Variants in SCP2 observed in about 807,000 individuals in gnomAD.
SCP2 encodes the protein SCP-2/3-oxoacyl-CoA thiolase.
In SCP2, 48 loss-of-function variants were observed where a neutral mutation model predicts 71.4. That is an observed-to-expected ratio of 0.67 (90% CI 0.53 to 0.86). The LOEUF is 0.86. Ranked by LOEUF, SCP2 falls within the 40% of genes least tolerant of loss-of-function variation. The probability of loss-of-function intolerance (pLI) is 0.00; values close to 1 mark genes in which losing one functional copy is unlikely to be tolerated. For synonymous variants in SCP2, 220 were observed against 218.1 expected (o/e 1.01, Z -0.08); for missense variants, 560 against 655.6 (o/e 0.85, Z 1.59).
At position 53,027,989 on chromosome 1, in the gene SCP2, T is replaced by C. The variant is rs764162206; in HGVS notation, c.1256T>C (p.Ile419Thr). ...CCCAGTTCTTTTAGAACTCATCAAA[T>C]TGAAGCTGTTCCAACCAGCTCTGCA... The part of the protein sequence containing the change: ...EAASSFRTHQ[I>T]EAVPTSSASD... Residue 419 changes from isoleucine to threonine, a missense_variant, in exon 13 of 16, where the codon ATT (isoleucine) becomes ACT (threonine). Physicochemically the swap from Ile to Thr is moderately conservative, Grantham distance 89. Around this residue, in one of 3 missense-constraint regions of SCP2, gnomAD observed 513 missense variants for 573.1 expected, o/e 0.90. Coordinates refer to ENST00000371514, the MANE Select transcript of SCP2 (RefSeq NM_002979.5). The C allele has an allele frequency of 1.9e-6, 3 of 1,606,786 alleles. No homozygotes were observed. Among genetic ancestry groups the C allele is most frequent in the Middle Eastern group, 1.7e-4 (1 of 6,044 alleles).
At position 53,051,042 on chromosome 1, in the gene SCP2, A is replaced by G. The variant is rs150876601; in HGVS notation, c.*338A>G. ...AGCTTTTGTTTTGCTTACAAAGTATATTTAAGGATTATTCTGCTGAAGATT... is the reference window on the plus strand; with the variant it reads ...AGCTTTTGTTTTGCTTACAAAGTATGTTTAAGGATTATTCTGCTGAAGATT... On this transcript the variant is annotated 3_prime_UTR_variant, in exon 16 of 16. Transcript: ENST00000371514. 58 of 194,488 alleles carry G rather than the reference A, an allele frequency of 3.0e-4. No individual in the cohort carries two copies. The East Asian group carries it at 7.6e-3, about 25-fold the overall frequency. The allele number at this position is 194,488 out of a possible 1,614,324, so 12.0% of individuals were successfully genotyped here.
chr1:53,023,624 T>G (rs7549603), intron 12 of SCP2, among the ~76,000 whole-genome samples: 20,869 of 152,066 alleles, frequency 0.14, 2,045 homozygotes, highest in East Asian at 0.33. Context: ...CACAGAAAAG[T>G]AGTTTCCTGA....
chr1:52,945,548 C>T (rs146986399), intron 2 of SCP2, among the ~76,000 whole-genome samples: 4 of 151,894 alleles, frequency 2.6e-5, no homozygotes, highest in African/African-American at 9.7e-5. Context: ...ACTAAAAATA[C>T]AAAAAGTTAG....
At chr1:52,999,815 G>GTTCTTTTTTTT (rs1660184505) in intron 11 of SCP2, among the ~76,000 whole-genome samples, 1 of 109,420 alleles carries the variant, frequency 9.1e-6, no homozygotes, top group Non-Finnish European at 1.8e-5. Context: ...CTGAACACTT[G>GTTCTTTTTTTT]TTTTTTTTTT....
At chr1:52,944,527 A>G (rs1654586398) in intron 2 of SCP2, among the ~76,000 whole-genome samples, 1 of 152,094 alleles carries the variant, frequency 6.6e-6, no homozygotes, top group Admixed American at 6.5e-5. Flanking sequence ...TCTCCTCTCA[A>G]TTGATGCCTC....
intron 5 of SCP2, among the ~76,000 whole-genome samples, chr1:52,957,219 G>C (rs896759670): frequency 1.3e-4 from 14 of 107,096 alleles, no homozygotes; most frequent in African/African-American, 3.9e-4. Flanking sequence ...CTGGCCCCTG[G>C]CCCCTGGCCC....
chr1:53,011,297 A>C (rs887427544), intron 11 of SCP2, among the ~76,000 whole-genome samples: 1 of 152,206 alleles, frequency 6.6e-6, no homozygotes, highest in African/African-American at 2.4e-5. Flanking sequence ...AAGGAGAAGG[A>C]GGAAAAGACC....
chr1:52,935,728 A>G (rs536215723), intron 1 of SCP2, among the ~76,000 whole-genome samples: 19 of 152,276 alleles, frequency 1.2e-4, no homozygotes, highest in African/African-American at 4.3e-4. Flanking sequence ...ACTTGAGCCC[A>G]GGAGTTTGAG....
intron 6 of SCP2, among the ~76,000 whole-genome samples, chr1:52,970,025 T>C (rs970987893): frequency 6.6e-6 from 1 of 152,268 alleles, no homozygotes. Flanking sequence ...CTGTGTTAAA[T>C]GTATCACATT....
chr1:53,006,769 C>G (rs1041464535), intron 11 of SCP2, among the ~76,000 whole-genome samples: 18 of 152,066 alleles, frequency 1.2e-4, no homozygotes, highest in African/African-American at 4.4e-4. Context: ...GGATCAAATT[C>G]ACACATAACA....
chr1:52,942,890 C>T (rs1004710501), intron 2 of SCP2, among the ~76,000 whole-genome samples: 3 of 151,618 alleles, frequency 2.0e-5, no homozygotes, highest in Admixed American at 6.6e-5. Flanking sequence ...TTAGTAGAAA[C>T]GGGGTTTCAC....
chr1:52,986,246 A>T (rs578223785), intron 10 of SCP2, among the ~76,000 whole-genome samples: 5 of 152,288 alleles, frequency 3.3e-5, no homozygotes, highest in African/African-American at 1.2e-4. Context: ...ATCTTTTAAT[A>T]CTTTACAAGA....
intron 5 of SCP2, among the ~76,000 whole-genome samples, chr1:52,958,543 A>G (rs1211560410): frequency 6.6e-6 from 1 of 151,860 alleles, no homozygotes; most frequent in African/African-American, 2.4e-5. Flanking sequence ...ATTTTTTCAC[A>G]AGCTTTTTAG....
chr1:52,953,402 A>G (rs1572076879), intron 4 of SCP2, among the ~76,000 whole-genome samples: 2 of 152,088 alleles, frequency 1.3e-5, no homozygotes, highest in Non-Finnish European at 2.9e-5. Context: ...GTGTGGTAGC[A>G]TGATCTCAGC....
At chr1:53,041,759 T>C (rs1468337239) in intron 14 of SCP2, among the ~76,000 whole-genome samples, 2 of 152,180 alleles carry the variant, frequency 1.3e-5, no homozygotes, top group African/African-American at 4.8e-5. Context: ...CTATCAAAGA[T>C]GGTGAAATTT....
At chr1:52,966,520 T>C (rs940375651) in intron 6 of SCP2, among the ~76,000 whole-genome samples, 1 of 151,926 alleles carries the variant, frequency 6.6e-6, no homozygotes, top group Non-Finnish European at 1.5e-5. Flanking sequence ...TTTAGTAATT[T>C]CAAATCATTA....
chr1:53,034,272 TAA>T (rs879389032), intron 13 of SCP2, among the ~76,000 whole-genome samples: 1 of 144,120 alleles, frequency 6.9e-6, no homozygotes, highest in Admixed American at 6.9e-5. Context: ...TGACTCCATT[TAA>T]AAAAAAAAAA....
chr1:52,950,601 A>G (rs988927748), intron 3 of SCP2, among the ~76,000 whole-genome samples, 154 bp from the exon 4 acceptor site: 1 of 152,214 alleles, frequency 6.6e-6, no homozygotes, highest in Admixed American at 6.5e-5. Context: ...AGAGTAAATG[A>G]TGGTTAGTGT....
chr1:53,035,126 A>T (rs17838020), intron 13 of SCP2, among the ~76,000 whole-genome samples: 9,659 of 151,990 alleles, frequency 0.064, 865 homozygotes, highest in African/African-American at 0.2. Flanking sequence ...AAAAAAATTA[A>T]TATGATACCA....
Sources: allele counts gnomAD v4.1 joint callset (sites outside exome capture counted in the v4.1 genomes callset), GRCh38; gene constraint gnomAD v4.1.1; regional missense constraint gnomAD v4.1.1; transcripts MANE v1.5; gene names NCBI Gene and HGNC (gene_info 2026-07-23, HGNC 2026-07-21).